Variants in HMCN2 observed in about 807,000 individuals in gnomAD.
HMCN2 encodes hemicentin-2.
Under a neutral mutation model 377.5 loss-of-function variants are expected in HMCN2, and 325 were observed. The ratio of observed to expected loss-of-function variants is 0.86; its 90% CI spans 0.79 to 0.94. The LOEUF is 0.94. HMCN2 is among the 40% of genes least tolerant of loss of function. HMCN2 has a pLI of 0.00. For missense variants in HMCN2, 4,543 were observed against 4,725.3 expected (o/e 0.96, Z 1.13); for synonymous variants, 2,007 against 2,046.8 (o/e 0.98, Z 0.53).
intron 85 of HMCN2, among the ~76,000 whole-genome samples, chr9:130,411,002 T>A (rs1208313107): frequency 6.6e-6 from 1 of 152,128 alleles, no homozygotes; most frequent in Non-Finnish European, 1.5e-5. Context: ...CAATAGGGAT[T>A]CTGTAGAAAA....
At chr9:130,309,514 CAAAAAAAAAAAA>C (rs143190808) in intron 14 of HMCN2, among the ~76,000 whole-genome samples, 2 of 72,386 alleles carry the variant, frequency 2.8e-5, no homozygotes, top group Admixed American at 1.6e-4. Flanking sequence ...GACTCTGTCT[CAAAAAAAAAAAA>C]AAAAAAAAAA....
intron 62 of HMCN2, among the ~76,000 whole-genome samples, chr9:130,389,380 C>T (rs1476639842): frequency 1.3e-5 from 2 of 152,090 alleles, no homozygotes; most frequent in Non-Finnish European, 2.9e-5. Context: ...CATTAGCAAT[C>T]ACTCCCCGTT....
At position 130,365,895 on chromosome 9, in the gene HMCN2, G is replaced by T. The variant is rs1840665956; in HGVS notation, c.6525G>T (p.Leu2175Phe). The T allele has an allele frequency of 2.0e-6, 2 of 985,578 alleles. No individual in the cohort carries two copies. Among genetic ancestry groups the T allele is most frequent in the Admixed American group, 6.2e-5 (1 of 16,252 alleles). The allele number at this position is 985,578 out of a possible 1,614,324, so 61.1% of individuals were successfully genotyped here. The change falls in exon 43 of 98, where the codon TTG becomes TTT. Residue 2175 changes from leucine to phenylalanine, a missense_variant. By Grantham distance (22) the Leu-to-Phe change is conservative. Around this residue, in one of 5 missense-constraint regions of HMCN2, gnomAD observed 1,032 missense variants for 1,285.1 expected, o/e 0.80. Coordinates refer to ENST00000683500, the MANE Select transcript of HMCN2 (RefSeq NM_001291815.2). ...LNVWVAPVFP[L>F]RESHTLTVRE... The stretch of plus-strand genomic sequence containing the variant: ...ACTCAGTTGCTCCAGTGTTCCCCTT[G>T]AGGGAATCCCACACCCTGACTGTGA...
intron 73 of HMCN2, 133 bp from the exon 74 acceptor site, chr9:130,397,394 TG>T: frequency 1.2e-6 from 1 of 805,754 alleles, no homozygotes; most frequent in Non-Finnish European, 1.7e-6. Flanking sequence ...GAGATTTGGG[TG>T]GAGACAGAGC....
Position 130,424,228 on chromosome 9 carries a change from G to C in HMCN2, c.13382-548G>C, listed in dbSNP as rs150225355. On this transcript the variant is annotated intron_variant, in intron 87 of 97. Coordinates refer to ENST00000683500, the MANE Select transcript of HMCN2 (RefSeq NM_001291815.2). ...GAGTCTCGCTCTGTCACCCAGGCTAGAGTGCAGTGGCATGATCTTGGCTCA... is the reference window on the plus strand; with the variant it reads ...GAGTCTCGCTCTGTCACCCAGGCTACAGTGCAGTGGCATGATCTTGGCTCA... Among the ~76,000 whole-genome samples the C allele has an allele frequency of 5.6e-3, 830 of 149,082 alleles. 11 individuals carry two copies. Among genetic ancestry groups the C allele is most frequent in the Middle Eastern group, 0.014 (4 of 292 alleles).
Position 130,394,508 on chromosome 9 carries a change from G to T in HMCN2, c.10625G>T (p.Gly3542Val), listed in dbSNP as rs1368527330. 1.6e-5 allele frequency: 20 copies of T among 1,289,722 alleles called. No homozygotes were observed. The highest frequency in any genetic ancestry group is 1.9e-5 in the Non-Finnish European group (19 of 988,876). 79.9% of individuals were successfully genotyped at this position (1,289,722 alleles called of 1,614,324 possible). Residue 3542 changes from glycine to valine, a missense_variant, in exon 69 of 98, where the codon GGG (glycine) becomes GTG (valine). Physicochemically the swap from Gly to Val is moderately radical, Grantham distance 109. This residue lies in a region of HMCN2 where 1,073 missense variants were observed against 1,319.5 expected (regional missense o/e 0.81). Coordinates refer to ENST00000683500, the MANE Select transcript of HMCN2 (RefSeq NM_001291815.2). The surrounding 1 kb of genome is among the most constrained non-coding windows in gnomAD (Gnocchi z 5.1). ...PQPNITWHKDGQALTRLENNS... is the reference protein window; with the variant it reads ...PQPNITWHKDVQALTRLENNS... ...CCCAACATCACCTGGCATAAGGACG[G>T]GCAGGCCCTGACCAGGCTGGAGAAC... is the stretch of plus-strand genomic sequence containing the variant.
chr9:130,340,459 C>T (rs934455552), intron 23 of HMCN2, among the ~76,000 whole-genome samples: 45 of 152,036 alleles, frequency 3.0e-4, no homozygotes, highest in African/African-American at 1.1e-3. Flanking sequence ...CATTATAAGT[C>T]GACCCCTCTG....
At chr9:130,301,045 C>A (rs1836475936) in intron 8 of HMCN2, among the ~76,000 whole-genome samples, 1 of 152,220 alleles carries the variant, frequency 6.6e-6, no homozygotes, top group Admixed American at 6.5e-5. Context: ...CTGTCCACTT[C>A]AAATAAGGAT....
In HMCN2 at chr9:130,407,555, T is replaced by C. The variant is rs1440976073; in HGVS notation, c.12554-16T>C. The C allele has an allele frequency of 1.6e-6, 2 of 1,288,986 alleles. No homozygotes were observed. Among genetic ancestry groups the C allele is most frequent in the Admixed American group, 4.6e-5 (2 of 43,472 alleles). 79.8% of individuals were successfully genotyped at this position (1,288,986 alleles called of 1,614,324 possible). A position where few individuals can be genotyped will look rare whatever the true frequency, so the allele number is the denominator to read the frequency against. ...GCAGGAGTTCCCTGCACCCGACTTC[T>C]CTTTCTCCACCACAGAAGGGGTGTC... On this transcript the variant is annotated splice_polypyrimidine_tract_variant and intron_variant, in intron 82 of 97. Transcript: ENST00000683500.
At chr9:130,334,410 C>G in intron 22 of HMCN2, among the ~76,000 whole-genome samples, 1 of 152,222 alleles carries the variant, frequency 6.6e-6, no homozygotes, top group Non-Finnish European at 1.5e-5. Flanking sequence ...CTCAGCTTGT[C>G]CATCTGTAAA....
Position 130,394,861 on chromosome 9 carries a change from G to A in HMCN2, c.10693-166G>A, listed in dbSNP as rs183176110. On this transcript the variant is annotated intron_variant, in intron 69 of 97. Coordinates refer to ENST00000683500, the MANE Select transcript of HMCN2 (RefSeq NM_001291815.2). This position sits in a 1 kb window ranked among gnomAD's most constrained non-coding sequence, Gnocchi z 5.1. ...AGGCAGGCATCACACCAGCCCTAAA[G>A]CAACAGTGAGATGGAGGGAGAGGGC... 2.0e-5 allele frequency among the ~76,000 whole-genome samples: 3 copies of A among 152,322 alleles called. No individual in the cohort carries two copies. Among genetic ancestry groups the A allele is most frequent in the Non-Finnish European group, 4.4e-5 (3 of 68,022 alleles).
At position 130,399,622 on chromosome 9, in the gene HMCN2, G is replaced by A; in HGVS notation, c.11595G>A (p.Val3865=). 1 of 1,289,676 alleles carries A rather than the reference G, an allele frequency of 7.8e-7. No individual in the cohort carries two copies. Among genetic ancestry groups the A allele is most frequent in the South Asian group, 1.2e-5 (1 of 80,992 alleles). The allele number at this position is 1,289,676 out of a possible 1,614,324, so 79.9% of individuals were successfully genotyped here. A position where few individuals can be genotyped will look rare whatever the true frequency, so the allele number is the denominator to read the frequency against. The stretch of plus-strand genomic sequence containing the variant: ...GCGAGGCCCACAGGCTCTACCAGGT[G>A]ACCGTCCATGGTGAGTCGGGGCAGA... ...EVGEAHRLYQ[V]TVHVPPTIAD... The change falls in exon 76 of 98, where the codon GTG becomes GTA. Residue 3865 remains valine (V), a synonymous_variant. Transcript: ENST00000683500.
At chr9:130,326,176 T>G (rs1838125711) in intron 21 of HMCN2, among the ~76,000 whole-genome samples, 1 of 152,158 alleles carries the variant, frequency 6.6e-6, no homozygotes, top group East Asian at 1.9e-4. Flanking sequence ...CCTTTCTGTT[T>G]CTGGAATGGT....
chr9:130,298,954 G>T, intron 7 of HMCN2, 71 bp from the exon 8 acceptor site: 1 of 410,180 alleles, frequency 2.4e-6, no homozygotes, highest in Non-Finnish European at 5.1e-6. Context: ...TGGTTCGAGG[G>T]CCCCTACTTG....
rs1361258600 is a variant in HMCN2, at chr9:130,348,527, G to A, written c.4025-18G>A. 2 of 1,302,820 alleles carry A rather than the reference G, an allele frequency of 1.5e-6. No homozygotes were observed. Among genetic ancestry groups the A allele is most frequent in the Admixed American group, 2.3e-5 (1 of 43,546 alleles). 80.7% of individuals were successfully genotyped at this position (1,302,820 alleles called of 1,614,324 possible). A position where few individuals can be genotyped will look rare whatever the true frequency, so the allele number is the denominator to read the frequency against. On this transcript the variant is annotated intron_variant, in intron 26 of 97. Transcript: ENST00000683500. ...AAGGGGGCAGGGAAGCAGCTCCTCG[G>A]CTCTCCTTGCCCCCAAGTGCCCCCC...
Position 130,355,738 on chromosome 9 carries a change from G to A in HMCN2, c.5147-8G>A. On this transcript the variant is annotated splice_polypyrimidine_tract_variant and splice_region_variant and intron_variant, in intron 32 of 97. Coordinates refer to ENST00000683500, the MANE Select transcript of HMCN2 (RefSeq NM_001291815.2). ...CTCCAAACACCCAGGAGTGTGTTCT[G>A]CCTGCAGTGCCCCCACAGCTCCTGG... The A allele has an allele frequency of 7.7e-7, 1 of 1,299,170 alleles. No individual in the cohort carries two copies. The highest frequency in any genetic ancestry group is 1.0e-6 in the Non-Finnish European group (1 of 985,376). 80.5% of individuals were successfully genotyped at this position (1,299,170 alleles called of 1,614,324 possible).
chr9:130,280,366 G>A (rs1554925259), intron 1 of HMCN2, among the ~76,000 whole-genome samples: 1 of 150,466 alleles, frequency 6.6e-6, no homozygotes, highest in African/African-American at 2.5e-5. Context: ...TAGAGACAGG[G>A]TTTCACCATG....
In HMCN2 at chr9:130,362,045, C is replaced by A; in HGVS notation, c.5988C>A (p.Gly1996=). ...PRITLPPSLP[G]PVLVNTPVRL... ...TCACACTGCCACCCAGCCTGCCAGG[C>A]CCTGTGTTGGTCAACACCCCTGTCC... is the stretch of plus-strand genomic sequence containing the variant. Residue 1996 remains glycine (G), a synonymous_variant, in exon 39 of 98, where the codon GGC becomes GGA. Transcript: ENST00000683500. 1 of 986,250 alleles carries A rather than the reference C, an allele frequency of 1.0e-6. No homozygotes were observed. Among genetic ancestry groups the A allele is most frequent in the Non-Finnish European group, 1.2e-6 (1 of 830,214 alleles). 61.1% of individuals were successfully genotyped at this position (986,250 alleles called of 1,614,324 possible). A position where few individuals can be genotyped will look rare whatever the true frequency, so the allele number is the denominator to read the frequency against.
At position 130,297,881 on chromosome 9, in the gene HMCN2, T is replaced by G. The variant is rs538300325; in HGVS notation, c.1012+1087T>G. On this transcript the variant is annotated intron_variant, in intron 7 of 97. Coordinates refer to ENST00000683500, the MANE Select transcript of HMCN2 (RefSeq NM_001291815.2). The stretch of plus-strand genomic sequence containing the variant: ...ATGGCGCGGGGACTGAAAACTGGCC[T>G]GTCCCCAGTGGAAGTGGGTGCAGGA... Among the ~76,000 whole-genome samples the G allele has an allele frequency of 5.9e-5, 9 of 152,322 alleles. No individual in the cohort carries two copies. The East Asian group carries it at 1.7e-3, about 29-fold the overall frequency.
Sources: allele counts gnomAD v4.1 joint callset (sites outside exome capture counted in the v4.1 genomes callset), GRCh38; gene constraint gnomAD v4.1.1; regional missense constraint gnomAD v4.1.1; non-coding constraint Gnocchi (gnomAD v3.1); transcripts MANE v1.5; gene names NCBI Gene and HGNC (gene_info 2026-07-23, HGNC 2026-07-21).